CAPN14: variants seen among roughly 807,000 people sequenced by gnomAD.
The protein encoded by CAPN14 is calpain-14.
In CAPN14, 94 loss-of-function variants were observed where a neutral mutation model predicts 101.3. The ratio of observed to expected loss-of-function variants is 0.93; its 90% confidence interval spans 0.79 to 1.10. The LOEUF is 1.10. CAPN14 is among the 50% of genes least tolerant of loss of function. The pLI is 0.00. For synonymous variants in CAPN14, 338 were observed against 317.9 expected, an observed-to-expected ratio of 1.06 and a Z score of -0.67; for missense variants, 837 against 828.4, an observed-to-expected ratio of 1.01 and a Z score of -0.13.
intron 15 of CAPN14, 139 bp from the exon 16 acceptor site, chr2:31,186,624 C>G (rs572233371): frequency 1.8e-6 from 1 of 567,892 alleles, no homozygotes; most frequent in South Asian, 2.8e-5. Context: ...GGGTGCCAAC[C>G]CCAGAGAACC....
At position 31,181,103 on chromosome 2, in the gene CAPN14, C is replaced by T. The variant is rs1680571926; in HGVS notation, c.1646-103G>A. On this transcript the variant is annotated intron_variant, in intron 16 of 21. Transcript: ENST00000403897. ...GCTGCATGGGCCAGCTGATGACCAC[C>T]ATGTATGTACGTGGGCTGGGAAGAG... The T allele has an allele frequency of 1.1e-5, 9 of 846,408 alleles. No individual in the cohort carries two copies. In the South Asian group the frequency reaches 1.4e-4, roughly 13 times the overall value. The allele number at this position is 846,408 out of a possible 1,614,324, so 52.4% of individuals were successfully genotyped here. A position where few individuals can be genotyped will look rare whatever the true frequency, so the allele number is the denominator to read the frequency against.
intron 6 of CAPN14, 68 bp downstream of exon 6, chr2:31,200,383 A>C: frequency 3.0e-6 from 4 of 1,344,888 alleles, no homozygotes; most frequent in Non-Finnish European, 4.1e-6. Context: ...AGGTGAGGGT[A>C]GTGGTGGTGG....
Position 31,193,207 on chromosome 2 carries a change from C to G in CAPN14, c.1038G>C (p.Gln346His). The change falls in exon 10 of 22, where the codon CAG (glutamine) becomes CAC (histidine). Residue 346 changes from glutamine (Q) to histidine (H), a missense_variant. By Grantham distance (24) the Gln-to-His change is conservative (BLOSUM62 0). Transcript: ENST00000403897. ...TPGLLSQEAA[Q>H]KWTYTMREGR... ...CCTCCCGCATGGTGTACGTCCACTT[C>G]TGGGCCGCCTCCTGGCTCAACAGGC... 6.4e-7 allele frequency: 1 copy of G among 1,551,726 alleles called. No individual in the cohort carries two copies. The highest frequency in any genetic ancestry group is 1.7e-4 in the Middle Eastern group (1 of 5,992).
intron 7 of CAPN14, 43 bp downstream of exon 7, chr2:31,199,427 G>A: frequency 6.7e-7 from 1 of 1,499,580 alleles, no homozygotes; most frequent in Non-Finnish European, 9.1e-7. Flanking sequence ...AGAGAGGGAA[G>A]GGCAAGGCTG....
intron 16 of CAPN14, among the ~76,000 whole-genome samples, chr2:31,185,906 T>C (rs1170925098): frequency 2.0e-5 from 3 of 152,238 alleles, no homozygotes; most frequent in Non-Finnish European, 2.9e-5. Flanking sequence ...ATATTTTATA[T>C]GGACTTTAAG....
chr2:31,225,536 A>G (rs1388805522), intron 2 of CAPN14, among the ~76,000 whole-genome samples: 1 of 152,126 alleles, frequency 6.6e-6, no homozygotes, highest in Non-Finnish European at 1.5e-5. Flanking sequence ...GAATATTTAC[A>G]TACAAAAATG....
At chr2:31,226,585 T>C (rs1683030169) in exon 2 of CAPN14, 1 of 152,288 alleles carries the variant, frequency 6.6e-6, no homozygotes, top group Non-Finnish European at 1.5e-5. Flanking sequence ...AGCATGGATT[T>C]TTCTGCTTTT....
chr2:31,210,341 G>A (rs1440035442), intron 1 of CAPN14, among the ~76,000 whole-genome samples: 17 of 152,192 alleles, frequency 1.1e-4, no homozygotes, highest in South Asian at 2.1e-4. Context: ...CCAGCTACTC[G>A]GGAGGCTGAG....
chr2:31,194,151 G>T lies in CAPN14; in HGVS notation c.950+258C>A, dbSNP rs73921580. On this transcript the variant is annotated intron_variant, in intron 9 of 21. Coordinates refer to ENST00000403897, the MANE Select transcript of CAPN14 (RefSeq NM_001145122.2). ...ATACACTGAGCAAGAGAGCAGAGAG[G>T]AAGCCAGAGAGGAGGAAACAGCCTG... 3.5e-3 allele frequency among the ~76,000 whole-genome samples: 539 copies of T among 152,338 alleles called. 1 individual carries two copies. The highest frequency in any genetic ancestry group is 0.012 in the African/African-American group (508 of 41,584).
intron 1 of CAPN14, among the ~76,000 whole-genome samples, chr2:31,227,608 C>T (rs1683063231): frequency 6.6e-6 from 1 of 152,216 alleles, no homozygotes. Flanking sequence ...CCCACAACAA[C>T]ATTGTGAAGC....
chr2:31,180,467 G>C (rs1282704569), intron 17 of CAPN14, among the ~76,000 whole-genome samples: 1 of 152,204 alleles, frequency 6.6e-6, no homozygotes, highest in Non-Finnish European at 1.5e-5. Context: ...AGCTGAGTTT[G>C]TGGCATGTTG....
intron 1 of CAPN14, among the ~76,000 whole-genome samples, chr2:31,208,575 G>A (rs967093972): frequency 6.6e-6 from 1 of 152,166 alleles, no homozygotes; most frequent in Non-Finnish European, 1.5e-5. Context: ...ATGTGTGCGT[G>A]CACACACATA....
At chr2:31,183,892 CT>C (rs1221676938) in intron 16 of CAPN14, among the ~76,000 whole-genome samples, 2 of 129,564 alleles carry the variant, frequency 1.5e-5, no homozygotes, top group Non-Finnish European at 3.2e-5. Flanking sequence ...CACTTTCTTT[CT>C]TTTTTTCTTT....
chr2:31,214,047 T>A (rs911265470), intron 1 of CAPN14, among the ~76,000 whole-genome samples: 1 of 152,238 alleles, frequency 6.6e-6, no homozygotes, highest in South Asian at 2.1e-4. Flanking sequence ...TAAACAATGA[T>A]GAATGTGGCC....
chr2:31,208,904 T>C (rs1311102515), intron 1 of CAPN14, among the ~76,000 whole-genome samples: 1 of 152,188 alleles, frequency 6.6e-6, no homozygotes, highest in African/African-American at 2.4e-5. Flanking sequence ...TCCATGGGCC[T>C]CAGAGTTCTT....
intron 11 of CAPN14, 64 bp from the exon 12 acceptor site, chr2:31,191,471 G>A (rs943493171): frequency 3.0e-5 from 45 of 1,484,058 alleles, no homozygotes; most frequent in Admixed American, 6.5e-5. Context: ...TCATTAAGCA[G>A]GGAATCTGGC....
intron 2 of CAPN14, among the ~76,000 whole-genome samples, chr2:31,222,636 A>C (rs1489626750): frequency 6.6e-6 from 1 of 152,206 alleles, no homozygotes; most frequent in East Asian, 1.9e-4. Flanking sequence ...CATTTTTTGA[A>C]AATCATAATT....
intron 16 of CAPN14, 31 bp from the exon 17 acceptor site, chr2:31,181,031 G>T: frequency 1.3e-6 from 2 of 1,542,294 alleles, no homozygotes; most frequent in Admixed American, 2.0e-5. Flanking sequence ...CCACATGGGG[G>T]CTGGCCCCAG....
chr2:31,181,497 CCTTT>C (rs1298700800), intron 16 of CAPN14, among the ~76,000 whole-genome samples: 5 of 92,298 alleles, frequency 5.4e-5, no homozygotes, highest in Admixed American at 1.2e-4. Context: ...CTCTCTCTTT[CCTTT>C]CTTTCTTTCT....
Sources: allele counts gnomAD v4.1 joint callset (sites outside exome capture counted in the v4.1 genomes callset), GRCh38; gene constraint gnomAD v4.1.1; transcripts MANE v1.5; gene names NCBI Gene and HGNC (gene_info 2026-07-23, HGNC 2026-07-21).